GRIK4: variants seen among roughly 807,000 people sequenced by gnomAD.
GRIK4 encodes glutamate ionotropic receptor kainate type subunit 4, also known as glutamate receptor ionotropic, kainate 4.
Under a neutral mutation model 104.9 loss-of-function variants are expected in GRIK4, and 40 were observed. That is an observed-to-expected ratio of 0.38 (90% CI 0.30 to 0.50). GRIK4 has a LOEUF of 0.50. Among genes scored for constraint, GRIK4 ranks in the 20% least tolerant of loss-of-function variants. GRIK4 has a pLI of 0.93. For missense variants in GRIK4, 1,047 were observed against 1,308.1 expected, an observed-to-expected ratio of 0.80 and a Z score of 3.08; for synonymous variants, 485 against 524.9, an observed-to-expected ratio of 0.92 and a Z score of 1.04.
chr11:120,736,110 G>C (rs1489368525), intron 3 of GRIK4, among the ~76,000 whole-genome samples: 2 of 152,126 alleles, frequency 1.3e-5, no homozygotes, highest in African/African-American at 2.4e-5. Context: ...GGGTATCACT[G>C]TTGGTTATTC....
intron 1 of GRIK4, among the ~76,000 whole-genome samples, chr11:120,561,848 C>T (rs1387672470): frequency 6.6e-6 from 1 of 152,224 alleles, no homozygotes; most frequent in Admixed American, 6.5e-5. Flanking sequence ...CTGGATCTGA[C>T]TGCTGCACGC....
At chr11:120,786,668 T>C (rs1049893048) in intron 3 of GRIK4, among the ~76,000 whole-genome samples, 1 of 152,194 alleles carries the variant, frequency 6.6e-6, no homozygotes, top group African/African-American at 2.4e-5. Context: ...TGCATGTACA[T>C]ATCAGAGCAG....
rs1297351766 is a variant in GRIK4 at position 120,576,840 on chromosome 11, A to G, written c.-159+64953A>G. ...CACCAGCCTGTGCTGGGCCCGGGACATGGCCGGCTAATGTTTGGTTCTGGG... is the reference window on the plus strand; with the variant it reads ...CACCAGCCTGTGCTGGGCCCGGGACGTGGCCGGCTAATGTTTGGTTCTGGG... On this transcript the variant is annotated intron_variant, in intron 1 of 20. Coordinates refer to ENST00000527524, the MANE Select transcript of GRIK4 (RefSeq NM_014619.5). 4.6e-5 allele frequency among the ~76,000 whole-genome samples: 7 copies of G among 152,220 alleles called. No individual in the cohort carries two copies. The Middle Eastern group carries it at 0.014, about 296-fold the overall frequency.
chr11:120,747,986 G>C (rs1951475638), intron 3 of GRIK4, among the ~76,000 whole-genome samples: 1 of 152,162 alleles, frequency 6.6e-6, no homozygotes, highest in Non-Finnish European at 1.5e-5. Flanking sequence ...GCAACTAAGT[G>C]GTTTAATTAC....
At chr11:120,798,670 C>T (rs1380048072) in intron 3 of GRIK4, among the ~76,000 whole-genome samples, 2 of 152,022 alleles carry the variant, frequency 1.3e-5, no homozygotes, top group Non-Finnish European at 2.9e-5. Flanking sequence ...TTAGTAGAGA[C>T]AGGATTTCAC....
At chr11:120,783,261 C>CGAGAACAG (rs1239427050) in intron 3 of GRIK4, among the ~76,000 whole-genome samples, 4 of 152,222 alleles carry the variant, frequency 2.6e-5, no homozygotes, top group Non-Finnish European at 5.9e-5. Flanking sequence ...GGGAAGACCA[C>CGAGAACAG]GAGAACAGGA....
At chr11:120,912,496 C>T (rs910515748) in intron 13 of GRIK4, among the ~76,000 whole-genome samples, 5 of 152,084 alleles carry the variant, frequency 3.3e-5, no homozygotes, top group Non-Finnish European at 7.3e-5. Context: ...GGTTTTCTGC[C>T]GCTTGAAAGG....
chr11:120,643,130 G>A lies in GRIK4; in HGVS notation c.-158-10555G>A, dbSNP rs565959997. ...AGCAAACAAAATCCCTGCTCTCTAGGAGCTCGCTACTCTTTAGCAAGCGTA... is the reference window on the plus strand; with the variant it reads ...AGCAAACAAAATCCCTGCTCTCTAGAAGCTCGCTACTCTTTAGCAAGCGTA... On this transcript the variant is annotated intron_variant, in intron 1 of 20. Coordinates refer to ENST00000527524, the MANE Select transcript of GRIK4 (RefSeq NM_014619.5). Among the ~76,000 whole-genome samples the A allele has an allele frequency of 8.2e-4, 125 of 152,164 alleles. 1 individual carries two copies. The highest frequency in any genetic ancestry group is 2.9e-3 in the African/African-American group (120 of 41,504).
intron 2 of GRIK4, among the ~76,000 whole-genome samples, chr11:120,656,809 G>A (rs1362916284): frequency 2.6e-5 from 4 of 152,160 alleles, no homozygotes; most frequent in African/African-American, 4.8e-5. Flanking sequence ...AGCCAAGATC[G>A]CGCCACTGCA....
intron 3 of GRIK4, among the ~76,000 whole-genome samples, chr11:120,782,361 C>T (rs1011667615): frequency 1.3e-5 from 2 of 151,332 alleles, no homozygotes; most frequent in Admixed American, 1.3e-4. Context: ...TCTCGGCTCA[C>T]TGCAAGCTCC....
In GRIK4 at chr11:120,889,589, ATTT is replaced by A. The variant is rs369264259; in HGVS notation, c.1165-8915_1165-8913del. Among the ~76,000 whole-genome samples the A allele has an allele frequency of 8.7e-3, 544 of 62,384 alleles. 1 individual carries two copies. Among genetic ancestry groups the A allele is most frequent in the African/African-American group, 0.029 (497 of 16,852 alleles). The allele number at this position is 62,384 out of a possible 152,430, so 40.9% of individuals were successfully genotyped here. A position where few individuals can be genotyped will look rare whatever the true frequency, so the allele number is the denominator to read the frequency against. ...ATAGAATAAAATAGAAAGAGCTTAC[ATTT>A]TTTTTTTTTTTTTTTTTTTTTTTTT... On this transcript the variant is annotated intron_variant, in intron 11 of 20. Transcript: ENST00000527524.
chr11:120,648,206 C>T (rs146219218), intron 1 of GRIK4, among the ~76,000 whole-genome samples: 1 of 152,272 alleles, frequency 6.6e-6, no homozygotes, highest in East Asian at 1.9e-4. Flanking sequence ...AACCAGGGGC[C>T]GGAGACTAGC....
intron 1 of GRIK4, among the ~76,000 whole-genome samples, chr11:120,634,489 C>T (rs1233104499): frequency 6.6e-6 from 1 of 152,108 alleles, no homozygotes; most frequent in African/African-American, 2.4e-5. Context: ...AAGGGTTCTG[C>T]AGCTTCTGCC....
At chr11:120,664,762 T>C (rs1485783040) in intron 3 of GRIK4, among the ~76,000 whole-genome samples, 1 of 152,218 alleles carries the variant, frequency 6.6e-6, no homozygotes, top group Non-Finnish European at 1.5e-5. Context: ...TGGACACTTT[T>C]TACCTCAAAA....
chr11:120,629,242 G>A (rs1325941440), intron 1 of GRIK4, among the ~76,000 whole-genome samples: 2 of 152,178 alleles, frequency 1.3e-5, no homozygotes. Context: ...TTTGAATCCT[G>A]TCTATACCAT....
At chr11:120,714,706 T>A (rs1252285295) in intron 3 of GRIK4, among the ~76,000 whole-genome samples, 1 of 152,210 alleles carries the variant, frequency 6.6e-6, no homozygotes, top group Non-Finnish European at 1.5e-5. Context: ...AGGTAGATGT[T>A]ACTCTAGATG....
intron 14 of GRIK4, among the ~76,000 whole-genome samples, chr11:120,945,699 C>A (rs11218069): frequency 0.23 from 35,053 of 152,190 alleles, 4,337 homozygotes; most frequent in East Asian, 0.36. Context: ...TGAGAACAAA[C>A]AGAAGTGGGA....
In GRIK4 at chr11:120,727,851, G is replaced by A. The variant is rs1951059721; in HGVS notation, c.82+67451G>A. Reference sequence around the variant, plus strand: ...AAATAATGCTTATGAGAAACAAAAAGCACAAAGGGAGGAAAATTTTAGAAT... The same window carrying A: ...AAATAATGCTTATGAGAAACAAAAAACACAAAGGGAGGAAAATTTTAGAAT... On this transcript the variant is annotated intron_variant, in intron 3 of 20. Transcript: ENST00000527524. Among the ~76,000 whole-genome samples, 3 of 151,922 alleles carry A rather than the reference G, an allele frequency of 2.0e-5. No homozygotes were observed. In the South Asian group the frequency reaches 6.2e-4, roughly 32 times the overall value.
At chr11:120,712,188 C>G (rs1334713132) in intron 3 of GRIK4, among the ~76,000 whole-genome samples, 1 of 152,220 alleles carries the variant, frequency 6.6e-6, no homozygotes, top group Non-Finnish European at 1.5e-5. Flanking sequence ...GGCACCCAGC[C>G]TGCCCTTGGG....
Sources: gnomAD v4.1 joint callset for allele counts (sites outside exome capture counted in the v4.1 genomes callset) on GRCh38, gnomAD v4.1.1 for gene constraint, MANE v1.5 for transcripts, NCBI Gene and HGNC (gene_info 2026-07-23, HGNC 2026-07-21) for gene names.